The following RHBDF2 variants were observed in gnomAD, a reference collection of about 807,000 sequenced individuals.
RHBDF2 encodes the protein rhomboid 5 homolog 2, also known as inactive rhomboid protein 2.
A neutral mutation model predicts 95.2 loss-of-function variants in RHBDF2; 38 were observed. The observed-to-expected ratio is 0.40, with a 90% confidence interval of 0.31 to 0.52. The LOEUF (loss-of-function observed/expected upper bound fraction) is 0.52. Among genes scored for constraint, RHBDF2 ranks in the 20% least tolerant of loss-of-function variants. The pLI is 0.56. For synonymous variants in RHBDF2, 442 were observed against 462.0 expected, an observed-to-expected ratio of 0.96 and a Z score of 0.55; for missense variants, 863 against 1,137.7, an observed-to-expected ratio of 0.76 and a Z score of 3.47.
intron 1 of RHBDF2, among the ~76,000 whole-genome samples, chr17:76,493,505 TG>T (rs35241212): frequency 0.17 from 26,385 of 151,978 alleles, 2,447 homozygotes; most frequent in South Asian, 0.24. Context: ...GCTGGGGGCC[TG>T]GGGGCAGAAT....
Position 76,498,789 on chromosome 17 carries a change from A to T in RHBDF2, c.-220+2564T>A, listed in dbSNP as rs866931538. Among the ~76,000 whole-genome samples, 24 of 143,772 alleles carry T rather than the reference A, an allele frequency of 1.7e-4. No homozygotes were observed. The East Asian group carries it at 2.6e-3, about 16-fold the overall frequency. The allele number at this position is 143,772 out of a possible 152,430, so 94.3% of individuals were successfully genotyped here. A position where few individuals can be genotyped will look rare whatever the true frequency, so the allele number is the denominator to read the frequency against. On this transcript the variant is annotated intron_variant, in intron 1 of 18. Coordinates refer to ENST00000675367, the MANE Select transcript of RHBDF2 (RefSeq NM_001005498.4). ...CCCCTCCTGGGCTGGAGAGAAAGAG[A>T]GTGTGTGTGTGTGTGTGTGTGTGTG...
chr17:76,474,324 A>G (rs2073693566), intron 12 of RHBDF2, 49 bp downstream of exon 12: 1 of 1,590,342 alleles, frequency 6.3e-7, no homozygotes, highest in Non-Finnish European at 8.6e-7. Flanking sequence ...AAGTGGAGCT[A>G]GTCCGGGACC....
At chr17:76,496,635 T>G (rs961974424) in intron 1 of RHBDF2, among the ~76,000 whole-genome samples, 1 of 152,138 alleles carries the variant, frequency 6.6e-6, no homozygotes, top group Non-Finnish European at 1.5e-5. Context: ...AGGCTAAGGG[T>G]GAGAGGCGGC....
intron 1 of RHBDF2, among the ~76,000 whole-genome samples, chr17:76,500,196 A>G (rs2144507778): frequency 6.6e-6 from 1 of 152,258 alleles, no homozygotes; most frequent in Non-Finnish European, 1.5e-5. Context: ...CTTGGGCTGG[A>G]TAATTCCTCG....
chr17:76,495,602 A>G (rs1387793870), intron 1 of RHBDF2, among the ~76,000 whole-genome samples: 1 of 152,214 alleles, frequency 6.6e-6, no homozygotes, highest in Non-Finnish European at 1.5e-5. Flanking sequence ...CCTATTGTAC[A>G]GAGAGGTAAG....
chr17:76,484,105 T>C (rs981648869), intron 2 of RHBDF2, among the ~76,000 whole-genome samples: 1 of 151,856 alleles, frequency 6.6e-6, no homozygotes, highest in Non-Finnish European at 1.5e-5. Flanking sequence ...CTACTAAAAA[T>C]ACAAAAAATT....
At position 76,479,864 on chromosome 17, in the gene RHBDF2, G is replaced by A. The variant is rs762996097; in HGVS notation, c.151-10C>T. 9.3e-6 allele frequency: 15 copies of A among 1,612,032 alleles called. No individual in the cohort carries two copies. The highest frequency in any genetic ancestry group is 1.3e-5 in the African/African-American group (1 of 74,694). Reference sequence around the variant, plus strand: ...AGGCTGGGTTCTTCCTCTTGGGGAGGAAGGAGGGAGGGCAGGCGGTGGTGT... The same window carrying A: ...AGGCTGGGTTCTTCCTCTTGGGGAGAAAGGAGGGAGGGCAGGCGGTGGTGT... On this transcript the variant is annotated splice_polypyrimidine_tract_variant and intron_variant, in intron 3 of 18. Transcript: ENST00000675367.
chr17:76,491,784 C>A (rs148218421), intron 1 of RHBDF2, among the ~76,000 whole-genome samples: 9 of 152,142 alleles, frequency 5.9e-5, no homozygotes, highest in Admixed American at 5.2e-4. Context: ...TGGGGCTCAG[C>A]GGGGAAAGGA....
At chr17:76,489,409 C>T (rs1021955934) in intron 1 of RHBDF2, among the ~76,000 whole-genome samples, 25 of 150,766 alleles carry the variant, frequency 1.7e-4, no homozygotes, top group African/African-American at 5.1e-4. Context: ...CTTCAAGCAC[C>T]GCCTCCCGGG....
Position 76,478,968 on chromosome 17 carries a change from C to T in RHBDF2, c.510G>A (p.Pro170=), listed in dbSNP as rs140265206. Residue 170 remains proline (P), a synonymous_variant, in exon 6 of 19, where the codon CCG becomes CCA. Coordinates refer to ENST00000675367, the MANE Select transcript of RHBDF2 (RefSeq NM_001005498.4). The stretch of plus-strand genomic sequence containing the variant: ...GGGCGTGGGGCCTGTCCATCTCCTC[C>T]GGGTGGCGGAAGGCCCGGCCCCGGG... ...PLARGRAFRH[P]EEMDRPHAPH... 2,173 of 1,593,842 alleles carry T rather than the reference C, an allele frequency of 1.4e-3. 2 individuals are homozygous for T. Among genetic ancestry groups the T allele is most frequent in the Non-Finnish European group, 1.7e-3 (2,032 of 1,168,210 alleles).
At chr17:76,490,143 T>C (rs956052076) in intron 1 of RHBDF2, among the ~76,000 whole-genome samples, 2 of 152,194 alleles carry the variant, frequency 1.3e-5, no homozygotes, top group African/African-American at 4.8e-5. Context: ...CCCTGCATAT[T>C]TGGGACATTT....
intron 15 of RHBDF2, 140 bp from the exon 16 acceptor site, chr17:76,473,467 G>A: frequency 2.0e-6 from 2 of 975,992 alleles, no homozygotes; most frequent in South Asian, 2.9e-5. Context: ...CGACTCTGGA[G>A]CAAGCTTCCT....
chr17:76,479,809 G>T lies in RHBDF2; in HGVS notation c.196C>A (p.Arg66Ser), dbSNP rs747985209. 2 of 1,613,150 alleles carry T rather than the reference G, an allele frequency of 1.2e-6. No homozygotes were observed. Among genetic ancestry groups the T allele is most frequent in the East Asian group, 4.5e-5 (2 of 44,796 alleles). ...TCTGAACTCTCCTGCCATCGGCTGC[G>T]TGGCTCCTGGAGGCTGACGCTCTTC... ...YLKSVSLQEP[R>S]SRWQESSEKR... The change falls in exon 4 of 19, where the codon CGC becomes AGC. Residue 66 changes from arginine to serine, a missense_variant. Transcript: ENST00000675367.
intron 1 of RHBDF2, among the ~76,000 whole-genome samples, chr17:76,495,461 TA>T (rs2074408220): frequency 6.6e-6 from 1 of 152,220 alleles, no homozygotes; most frequent in Non-Finnish European, 1.5e-5. Flanking sequence ...GCAAGCCACT[TA>T]ACATCTCTGA....
chr17:76,474,407 G>C lies in RHBDF2; in HGVS notation c.1430C>G (p.Ser477Cys). Residue 477 changes from serine to cysteine, a missense_variant, in exon 12 of 19, where the codon TCC becomes TGC. Ser to Cys is a moderately radical substitution (Grantham distance 112). Coordinates refer to ENST00000675367, the MANE Select transcript of RHBDF2 (RefSeq NM_001005498.4). ...DSGCCVQNDH[S>C]GCIQTQRKDC... Reference sequence around the variant, plus strand: ...CTTCCGCTGGGTCTGGATGCATCCGGAGTGGTCATTCTGGACACAGCAGCC... The same window carrying C: ...CTTCCGCTGGGTCTGGATGCATCCGCAGTGGTCATTCTGGACACAGCAGCC... The C allele has an allele frequency of 6.2e-7, 1 of 1,613,852 alleles. No individual in the cohort carries two copies. The highest frequency in any genetic ancestry group is 8.5e-7 in the Non-Finnish European group (1 of 1,179,984).
Position 76,497,924 on chromosome 17 carries a change from G to A in RHBDF2, c.-220+3429C>T, listed in dbSNP as rs539061616. Among the ~76,000 whole-genome samples the A allele has an allele frequency of 2.3e-4, 35 of 152,154 alleles. 2 individuals carry two copies. The highest frequency in any genetic ancestry group is 2.2e-3 in the Admixed American group (33 of 15,288). On this transcript the variant is annotated intron_variant, in intron 1 of 18. Transcript: ENST00000675367. ...GTGTCTCTGGCCCACCTCCTGCACT[G>A]CCCACTTGGCTGAAACCACTTTCCT... is the stretch of plus-strand genomic sequence containing the variant.
At chr17:76,486,076 GTACACACA>G (rs1232414845) in intron 2 of RHBDF2, among the ~76,000 whole-genome samples, 9 of 72,440 alleles carry the variant, frequency 1.2e-4, no homozygotes, top group Non-Finnish European at 1.5e-4. Context: ...GTATATATAT[GTACACACA>G]CACACACACA....
chr17:76,473,139 A>G, intron 16 of RHBDF2, 34 bp from the exon 17 acceptor site: 1 of 1,600,018 alleles, frequency 6.2e-7, no homozygotes, highest in Non-Finnish European at 8.6e-7. Flanking sequence ...AGCGCCCCAG[A>G]AGCAGGCTGA....
chr17:76,478,661 A>T, intron 6 of RHBDF2, 145 bp downstream of exon 6: 2 of 690,612 alleles, frequency 2.9e-6, no homozygotes. Flanking sequence ...CTCTTTGCCC[A>T]GGGATCCCAG....
Sources: allele counts gnomAD v4.1 joint callset (sites outside exome capture counted in the v4.1 genomes callset), GRCh38; gene constraint gnomAD v4.1.1; transcripts MANE v1.5; gene names NCBI Gene and HGNC (gene_info 2026-07-23, HGNC 2026-07-21).